CC2D1A: variants seen among roughly 807,000 people sequenced by gnomAD.
CC2D1A encodes the protein coiled-coil and C2 domain containing 1A, also known as coiled-coil and C2 domain-containing protein 1A.
In CC2D1A, 68 loss-of-function variants were observed where a neutral mutation model predicts 123.8. The observed-to-expected ratio is 0.55, with a 90% CI of 0.45 to 0.67. The LOEUF is 0.67. CC2D1A is among the 30% of genes least tolerant of loss of function. The pLI is 0.00. For missense variants in CC2D1A, 1,185 were observed against 1,290.3 expected, an observed-to-expected ratio of 0.92 and a Z score of 1.25; for synonymous variants, 477 against 528.0, an observed-to-expected ratio of 0.90 and a Z score of 1.32.
At chr19:13,919,767 A>G in intron 11 of CC2D1A, 51 bp from the exon 12 acceptor site, 2 of 1,536,532 alleles carry the variant, frequency 1.3e-6, no homozygotes, top group South Asian at 2.4e-5. Context: ...TAATGGTGTG[A>G]GTTGGTCTCC....
intron 17 of CC2D1A, among the ~76,000 whole-genome samples, chr19:13,925,441 G>A (rs1379290943): frequency 3.3e-5 from 5 of 152,076 alleles, no homozygotes; most frequent in African/African-American, 9.7e-5. Flanking sequence ...TTATCCGGGC[G>A]TGGTGGTAGG....
At chr19:13,918,684 G>A in intron 8 of CC2D1A, 62 bp from the exon 9 acceptor site, 1 of 1,588,412 alleles carries the variant, frequency 6.3e-7, no homozygotes. Context: ...CCTCAGGCCA[G>A]ACCAGCTTGT....
At chr19:13,929,688 G>A in intron 26 of CC2D1A, 28 bp downstream of exon 26, 1 of 1,496,026 alleles carries the variant, frequency 6.7e-7, no homozygotes, top group Non-Finnish European at 8.9e-7. Context: ...GGCATCTGGT[G>A]GGGGAGGAGC....
rs1195945275 is a variant in CC2D1A, at chr19:13,923,603, C to T, written c.1820C>T (p.Thr607Ile). The T allele has an allele frequency of 1.2e-6, 2 of 1,614,078 alleles. No homozygotes were observed. The highest frequency in any genetic ancestry group is 2.7e-5 in the African/African-American group (2 of 74,918). ...CAGCTGGGCAACATCACTGAAACCA[C>T]CAAGTAAGTGCCCTGACCTGTGCCA... ...FTQLGNITETTKFEKLAEDCK... is the reference protein window; with the variant it reads ...FTQLGNITETIKFEKLAEDCK... Residue 607 changes from threonine to isoleucine, a missense_variant, in exon 16 of 29, where the codon ACC becomes ATC. Transcript: ENST00000318003. This position sits in a 1 kb window ranked among gnomAD's most constrained non-coding sequence, Gnocchi z 5.3.
rs1971481181 is a variant in CC2D1A at position 13,923,467 on chromosome 19, G to A, written c.1764+12G>A. On this transcript the variant is annotated intron_variant, in intron 15 of 28. Transcript: ENST00000318003. The surrounding 1 kb of genome is among the most constrained non-coding windows in gnomAD (Gnocchi z 5.3). ...GGCAGCAGCACGAGGTGAGGGGGAG[G>A]CCCCCAGCCCATCCCCCAGGAGCGT... 2.5e-6 allele frequency: 4 copies of A among 1,614,026 alleles called. No individual in the cohort carries two copies. Among genetic ancestry groups the A allele is most frequent in the South Asian group, 2.2e-5 (2 of 91,074 alleles).
chr19:13,920,258 ATT>A, intron 12 of CC2D1A: 1 of 503,110 alleles, frequency 2.0e-6, no homozygotes. Flanking sequence ...CTCCAAGACA[ATT>A]AAAAAAAAAA....
chr19:13,928,236 C>T (rs1971726674), intron 24 of CC2D1A, 48 bp downstream of exon 24: 3 of 1,526,584 alleles, frequency 2.0e-6, no homozygotes, highest in Admixed American at 3.6e-5. Context: ...CAATTCCCCT[C>T]TCAGCCCCAC....
chr19:13,909,873 C>T lies in CC2D1A; in HGVS notation c.111C>T (p.Asp37=), dbSNP rs768366200. The change falls in exon 2 of 29, where the codon GAC becomes GAT. Residue 37 remains aspartate, a synonymous_variant. Coordinates refer to ENST00000318003, the MANE Select transcript of CC2D1A (RefSeq NM_017721.5). ...CAGATGGCCTGATGATCCCTGAGGA[C>T]GGGGCTAACGATGAAGAACTGGAGG... The part of the protein sequence containing the change: ...LSPDGLMIPE[D]GANDEELEAE... The T allele has an allele frequency of 1.7e-5, 27 of 1,574,874 alleles. No homozygotes were observed. Among genetic ancestry groups the T allele is most frequent in the South Asian group, 2.3e-5 (2 of 85,798 alleles).
intron 12 of CC2D1A, 25 bp downstream of exon 12, chr19:13,919,976 G>T (rs1368586639): frequency 6.2e-6 from 10 of 1,601,252 alleles, no homozygotes; most frequent in Non-Finnish European, 8.5e-6. Flanking sequence ...GCCGGGCGCA[G>T]TGGCTCACAC....
intron 1 of CC2D1A, among the ~76,000 whole-genome samples, chr19:13,908,194 C>T (rs978760427): frequency 1.4e-4 from 21 of 152,030 alleles, no homozygotes; most frequent in South Asian, 4.2e-4. Context: ...TTAGTAGAGA[C>T]GGGGTTTCTC....
intron 6 of CC2D1A, among the ~76,000 whole-genome samples, chr19:13,915,702 A>G (rs1971182717): frequency 6.6e-6 from 1 of 152,130 alleles, no homozygotes; most frequent in South Asian, 2.1e-4. Context: ...GTGGTAGTGC[A>G]TGCCTTTAGT....
Position 13,909,965 on chromosome 19 carries a change from T to C in CC2D1A, c.196+7T>C. On this transcript the variant is annotated splice_region_variant and intron_variant, in intron 2 of 28. Coordinates refer to ENST00000318003, the MANE Select transcript of CC2D1A (RefSeq NM_017721.5). The stretch of plus-strand genomic sequence containing the variant: ...GAGAAGCTCAAAGGCAAAGGTGAGA[T>C]GGTTAACACACCCTCAGAACATTTT... 1 of 1,509,996 alleles carries C rather than the reference T, an allele frequency of 6.6e-7. No individual in the cohort carries two copies. The highest frequency in any genetic ancestry group is 8.9e-7 in the Non-Finnish European group (1 of 1,128,366). The allele number at this position is 1,509,996 out of a possible 1,614,324, so 93.5% of individuals were successfully genotyped here.
Position 13,906,847 on chromosome 19 carries a change from T to C in CC2D1A, c.60+346T>C, listed in dbSNP as rs1970769874. Among the ~76,000 whole-genome samples the C allele has an allele frequency of 6.6e-6, 1 of 152,226 alleles. No individual in the cohort carries two copies. The highest frequency in any genetic ancestry group is 2.4e-5 in the African/African-American group (1 of 41,454). On this transcript the variant is annotated intron_variant, in intron 1 of 28. Transcript: ENST00000318003. The surrounding 1 kb of genome is among the most constrained non-coding windows in gnomAD (Gnocchi z 4.1). ...ATGAGGACTTTGAGACTCAGAGACG[T>C]GAAGACATCTGCCCAAGGTCATAGG...
intron 5 of CC2D1A, 50 bp from the exon 6 acceptor site, chr19:13,913,354 T>C: frequency 6.2e-7 from 1 of 1,607,836 alleles, no homozygotes; most frequent in South Asian, 1.1e-5. Flanking sequence ...CCCGATGCCC[T>C]GCACCAAGCT....
chr19:13,920,693 C>A, intron 13 of CC2D1A, 25 bp downstream of exon 13: 1 of 1,609,206 alleles, frequency 6.2e-7, no homozygotes, highest in African/African-American at 1.3e-5. Context: ...CCCGCCCCAG[C>A]TGCCTGTTGC....
Position 13,918,098 on chromosome 19 carries a change from G to C in CC2D1A, c.777G>C (p.Gln259His). Residue 259 changes from glutamine (Q) to histidine (H), a missense_variant, in exon 7 of 29, where the codon CAG becomes CAC. Gln to His is a conservative substitution (Grantham distance 24). Transcript: ENST00000318003. Reference sequence around the variant, plus strand: ...CCTGCAGCCCTGGCCCTCTGGCCCAGTTGCAGAGCCGCCAGCGCGACTACA... The same window carrying C: ...CCTGCAGCCCTGGCCCTCTGGCCCACTTGCAGAGCCGCCAGCGCGACTACA... ...PGPCSPGPLA[Q>H]LQSRQRDYKL... 1 of 1,612,878 alleles carries C rather than the reference G, an allele frequency of 6.2e-7. No individual in the cohort carries two copies.
rs145493259 is a variant in CC2D1A at position 13,914,404 on chromosome 19, G to A, written c.748+766G>A. 2.8e-3 allele frequency among the ~76,000 whole-genome samples: 421 copies of A among 148,048 alleles called. 2 individuals carry two copies. Among genetic ancestry groups the A allele is most frequent in the African/African-American group, 9.9e-3 (395 of 39,972 alleles). ...GGCTGGAGTGCAGTGGTGCGATCTCGGCTCACTGCAACCTTTGCCTCCTGG... is the reference window on the plus strand; with the variant it reads ...GGCTGGAGTGCAGTGGTGCGATCTCAGCTCACTGCAACCTTTGCCTCCTGG... On this transcript the variant is annotated intron_variant, in intron 6 of 28. Transcript: ENST00000318003.
chr19:13,929,007 C>CTT (rs747988281), intron 24 of CC2D1A, among the ~76,000 whole-genome samples: 5 of 137,402 alleles, frequency 3.6e-5, no homozygotes, highest in Non-Finnish European at 4.8e-5. Flanking sequence ...CCATGCTCGG[C>CTT]TTTTTTTTTT....
intron 6 of CC2D1A, among the ~76,000 whole-genome samples, chr19:13,917,421 G>C (rs916395242): frequency 6.6e-6 from 1 of 152,166 alleles, no homozygotes; most frequent in African/African-American, 2.4e-5. Flanking sequence ...ATAGTGAGCA[G>C]CAGAGCAAGA....
Sources: allele counts gnomAD v4.1 joint callset (sites outside exome capture counted in the v4.1 genomes callset), GRCh38; gene constraint gnomAD v4.1.1; non-coding constraint Gnocchi (gnomAD v3.1); transcripts MANE v1.5; gene names NCBI Gene and HGNC (gene_info 2026-07-23, HGNC 2026-07-21).